The following ROBO1 variants were observed in gnomAD, a reference collection of about 807,000 sequenced individuals.
ROBO1 encodes roundabout guidance receptor 1.
A neutral mutation model predicts 195.9 loss-of-function variants in ROBO1; 149 were observed. The observed-to-expected ratio is 0.76, with a 90% CI of 0.67 to 0.87. ROBO1 has a LOEUF of 0.87. Ranked by LOEUF, ROBO1 falls within the 40% of genes least tolerant of loss-of-function variation. ROBO1 has a pLI of 0.00. For missense variants in ROBO1, 1,933 were observed against 2,068.3 expected (o/e 0.93, Z 1.27); for synonymous variants, 816 against 733.2 (o/e 1.11, Z -1.82).
intron 2 of ROBO1, among the ~76,000 whole-genome samples, chr3:79,314,335 G>A (rs1401380014): frequency 6.6e-6 from 1 of 152,194 alleles, no homozygotes; most frequent in Non-Finnish European, 1.5e-5. Flanking sequence ...TCATGGGAGA[G>A]ACCCGGTGGG....
intron 2 of ROBO1, among the ~76,000 whole-genome samples, chr3:79,332,731 T>C (rs1355137081): frequency 6.6e-6 from 1 of 152,218 alleles, no homozygotes; most frequent in Non-Finnish European, 1.5e-5. Flanking sequence ...CAAAGTGATC[T>C]TTCCTGATAA....
chr3:79,295,842 C>G (rs563237165), intron 2 of ROBO1, among the ~76,000 whole-genome samples: 1 of 152,216 alleles, frequency 6.6e-6, no homozygotes, highest in African/African-American at 2.4e-5. Flanking sequence ...GGAATCATTT[C>G]TATACCACTC....
At chr3:79,062,574 A>G (rs2078938516) in intron 3 of ROBO1, among the ~76,000 whole-genome samples, 1 of 152,158 alleles carries the variant, frequency 6.6e-6, no homozygotes, top group Non-Finnish European at 1.5e-5. Context: ...CATTATTCAC[A>G]ATAGGAAAGT....
intron 5 of ROBO1, among the ~76,000 whole-genome samples, chr3:78,722,539 G>A (rs896133000): frequency 6.6e-6 from 1 of 152,094 alleles, no homozygotes; most frequent in African/African-American, 2.4e-5. Flanking sequence ...TGAGAAAAAT[G>A]CACTTTTGTA....
intron 4 of ROBO1, among the ~76,000 whole-genome samples, chr3:78,758,123 A>G (rs2082986682): frequency 6.6e-6 from 1 of 152,282 alleles, no homozygotes; most frequent in African/African-American, 2.4e-5. Flanking sequence ...CACGCTAACA[A>G]CTCTGACTTA....
intron 2 of ROBO1, among the ~76,000 whole-genome samples, chr3:79,341,737 T>A (rs1365088308): frequency 1.3e-5 from 2 of 152,176 alleles, no homozygotes; most frequent in Non-Finnish European, 2.9e-5. Context: ...TTATAGTAGT[T>A]TTTTCCATAT....
At chr3:79,604,039 A>G (rs906336580) in intron 1 of ROBO1, among the ~76,000 whole-genome samples, 2 of 152,068 alleles carry the variant, frequency 1.3e-5, no homozygotes, top group African/African-American at 4.8e-5. Flanking sequence ...TTCTTTTAAT[A>G]AACAATTTCA....
rs541183813 is a variant in ROBO1, at chr3:78,695,622, T to C, written c.1046-6850A>G. Among the ~76,000 whole-genome samples the C allele has an allele frequency of 3.9e-5, 5 of 129,558 alleles. No homozygotes were observed. The East Asian group carries it at 1.1e-3, about 28-fold the overall frequency. 85.0% of individuals were successfully genotyped at this position (129,558 alleles called of 152,430 possible). ...CCTGGCCAACAGAGCAAGACTCTTG[T>C]CTCAAAAAAAAAAAAAAAAAAGAAA... is the stretch of plus-strand genomic sequence containing the variant. On this transcript the variant is annotated intron_variant, in intron 8 of 30. Transcript: ENST00000464233.
chr3:79,706,799 T>C (rs536978176), intron 1 of ROBO1, among the ~76,000 whole-genome samples: 1 of 152,254 alleles, frequency 6.6e-6, no homozygotes, highest in Admixed American at 6.5e-5. Flanking sequence ...TAAACCTCTT[T>C]CTTTTGTAAA....
chr3:78,680,769 G>A (rs1321453013), intron 10 of ROBO1, among the ~76,000 whole-genome samples: 2 of 146,752 alleles, frequency 1.4e-5, no homozygotes, highest in African/African-American at 5.2e-5. Flanking sequence ...GTGGAAGTCA[G>A]TGTGGCGATT....
rs182499926 is a variant in ROBO1 at position 79,605,625 on chromosome 3, A to T, written c.-50-15664T>A. On this transcript the variant is annotated intron_variant, in intron 1 of 30. Transcript: ENST00000464233. ...TTGTTCCAACTTCCACGTCCCAGCC[A>T]TCAGTATAGTCTGTTGATTTCAGCC... Among the ~76,000 whole-genome samples, 137 of 152,042 alleles carry T rather than the reference A, an allele frequency of 9.0e-4. 2 individuals carry two copies. The highest frequency in any genetic ancestry group is 2.4e-3 in the Admixed American group (37 of 15,224).
At chr3:79,665,783 A>G (rs1003812560) in intron 1 of ROBO1, among the ~76,000 whole-genome samples, 1 of 151,946 alleles carries the variant, frequency 6.6e-6, no homozygotes, top group Admixed American at 6.6e-5. Context: ...TGTCATAGAT[A>G]AAGAGAGAAA....
At chr3:78,776,540 G>A (rs754131082) in intron 4 of ROBO1, among the ~76,000 whole-genome samples, 64 of 152,240 alleles carry the variant, frequency 4.2e-4, no homozygotes, top group Non-Finnish European at 7.8e-4. Context: ...GTGAGCCACC[G>A]CACCCAGCCA....
At chr3:79,069,572 T>C (rs2079054268) in intron 3 of ROBO1, among the ~76,000 whole-genome samples, 1 of 151,942 alleles carries the variant, frequency 6.6e-6, no homozygotes, top group African/African-American at 2.4e-5. Flanking sequence ...GTCAACAAAG[T>C]CCTATAAAAT....
intron 4 of ROBO1, among the ~76,000 whole-genome samples, chr3:78,877,417 TAAC>T (rs1444683355): frequency 6.7e-6 from 1 of 150,164 alleles, no homozygotes; most frequent in Non-Finnish European, 1.5e-5. Context: ...TGATATGAAA[TAAC>T]AACAAGAATA....
chr3:79,611,193 T>C (rs549489238), intron 1 of ROBO1, among the ~76,000 whole-genome samples: 10 of 138,756 alleles, frequency 7.2e-5, no homozygotes, highest in African/African-American at 3.0e-4. Context: ...AATAGGCATC[T>C]TTTAATAGAA....
chr3:79,569,335 C>T (rs1041782751), intron 2 of ROBO1, among the ~76,000 whole-genome samples: 1 of 152,188 alleles, frequency 6.6e-6, no homozygotes, highest in African/African-American at 2.4e-5. Flanking sequence ...GCTTTTATGT[C>T]TGTGCTGATA....
At chr3:78,732,845 G>A (rs781586920) in intron 5 of ROBO1, among the ~76,000 whole-genome samples, 1 of 152,112 alleles carries the variant, frequency 6.6e-6, no homozygotes, top group African/African-American at 2.4e-5. Context: ...TCTTAAAGGT[G>A]ACTTAAACAA....
At chr3:78,898,564 A>G (rs1281128097) in intron 4 of ROBO1, among the ~76,000 whole-genome samples, 1 of 150,354 alleles carries the variant, frequency 6.7e-6, no homozygotes, top group Non-Finnish European at 1.5e-5. Flanking sequence ...ATTTTTTTGT[A>G]TTTTTCAGTA....
Sources: gnomAD v4.1 joint callset for allele counts (sites outside exome capture counted in the v4.1 genomes callset) on GRCh38, gnomAD v4.1.1 for gene constraint, MANE v1.5 for transcripts, NCBI Gene and HGNC (gene_info 2026-07-23, HGNC 2026-07-21) for gene names.